The following CELA2A variants were observed in gnomAD, a reference collection of about 807,000 sequenced individuals.
The protein encoded by CELA2A is chymotrypsin-like elastase family member 2A.
Under a neutral mutation model 35.3 loss-of-function variants are expected in CELA2A, and 31 were observed. The ratio of observed to expected loss-of-function variants is 0.88; its 90% CI spans 0.66 to 1.19. The LOEUF (loss-of-function observed/expected upper bound fraction) is 1.19. CELA2A is among the 50% of genes most tolerant of loss of function. CELA2A has a pLI of 0.00. For synonymous variants in CELA2A, 150 were observed against 149.8 expected (o/e 1.00, Z -0.01); for missense variants, 330 against 352.9 (o/e 0.94, Z 0.52).
intron 5 of CELA2A, among the ~76,000 whole-genome samples, chr1:15,464,173 G>C (rs1708480277): frequency 6.6e-6 from 1 of 152,202 alleles, no homozygotes; most frequent in African/African-American, 2.4e-5. Flanking sequence ...CTGTCCCTAT[G>C]ATGGAGAGAA....
At chr1:15,468,975 C>T (rs750163182) in intron 7 of CELA2A, among the ~76,000 whole-genome samples, 10 of 152,070 alleles carry the variant, frequency 6.6e-5, no homozygotes, top group South Asian at 4.1e-4. Flanking sequence ...GTCAGGAGTT[C>T]GAGACCAGCC....
chr1:15,467,342 C>G, intron 6 of CELA2A, 44 bp from the exon 7 acceptor site: 2 of 1,591,646 alleles, frequency 1.3e-6, no homozygotes, highest in Non-Finnish European at 1.7e-6. Flanking sequence ...AATGGGCAGC[C>G]CCTTCCTCTC....
chr1:15,458,445 C>T (rs1405711156), intron 2 of CELA2A, among the ~76,000 whole-genome samples: 1 of 152,154 alleles, frequency 6.6e-6, no homozygotes, highest in Non-Finnish European at 1.5e-5. Context: ...TTATTACAAG[C>T]ATAATTGATA....
chr1:15,462,969 A>G lies in CELA2A; in HGVS notation c.356+108A>G, dbSNP rs531834108. The stretch of plus-strand genomic sequence containing the variant: ...ACCACACCCCCTCTGCTTCTTCTAC[A>G]GGGAGGGGGAAGGAGCTCTGGCCTC... On this transcript the variant is annotated intron_variant, in intron 4 of 7. Transcript: ENST00000359621. The G allele has an allele frequency of 1.8e-4, 272 of 1,478,052 alleles. 2 individuals are homozygous for G. The African/African-American group carries it at 3.4e-3, about 19-fold the overall frequency. The allele number at this position is 1,478,052 out of a possible 1,614,324, so 91.6% of individuals were successfully genotyped here.
At chr1:15,470,204 G>A (rs1486283974) in intron 7 of CELA2A, among the ~76,000 whole-genome samples, 1 of 152,192 alleles carries the variant, frequency 6.6e-6, no homozygotes, top group Non-Finnish European at 1.5e-5. Flanking sequence ...GGAGGAGCTA[G>A]TGAAACCTTG....
At position 15,462,847 on chromosome 1, in the gene CELA2A, C is replaced by T; in HGVS notation, c.342C>T (p.Asn114=). Residue 114 remains asparagine, a synonymous_variant, in exon 4 of 8, where the codon AAC becomes AAT. Transcript: ENST00000359621. ...KIVVHKDWNS[N]QISKGNDIAL... ...TGGTGCACAAGGACTGGAACTCCAACCAAATCTCCAAAGGGTTCGTTTCTG... is the reference window on the plus strand; with the variant it reads ...TGGTGCACAAGGACTGGAACTCCAATCAAATCTCCAAAGGGTTCGTTTCTG... 2 of 1,614,116 alleles carry T rather than the reference C, an allele frequency of 1.2e-6. No homozygotes were observed. The highest frequency in any genetic ancestry group is 1.7e-6 in the Non-Finnish European group (2 of 1,180,012).
At chr1:15,461,513 G>A in intron 2 of CELA2A, 48 bp from the exon 3 acceptor site, 1 of 1,595,230 alleles carries the variant, frequency 6.3e-7, no homozygotes. Flanking sequence ...GTGCAGGGAG[G>A]CCCTGCTCTT....
At position 15,469,493 on chromosome 1, in the gene CELA2A, T is replaced by C. The variant is rs535198862; in HGVS notation, c.792+1955T>C. ...AAACTGACACTTATAAAACCAAATA[T>C]GAAACTGCAGCCATGAGCACGTGGT... On this transcript the variant is annotated intron_variant, in intron 7 of 7. Coordinates refer to ENST00000359621, the MANE Select transcript of CELA2A (RefSeq NM_033440.3). 3.7e-4 allele frequency among the ~76,000 whole-genome samples: 57 copies of C among 152,288 alleles called. 1 individual carries two copies. Among genetic ancestry groups the C allele is most frequent in the African/African-American group, 1.3e-3 (56 of 41,576 alleles).
chr1:15,465,931 C>T (rs2901964), intron 5 of CELA2A, 68 bp from the exon 6 acceptor site: 4 of 1,571,004 alleles, frequency 2.5e-6, no homozygotes, highest in Non-Finnish European at 3.5e-6. Context: ...AAACCTAAGA[C>T]GGGTCCATCA....
At chr1:15,462,656 T>C (rs1313994118) in intron 3 of CELA2A, 77 bp from the exon 4 acceptor site, 2 of 1,560,332 alleles carry the variant, frequency 1.3e-6, no homozygotes, top group Non-Finnish European at 1.7e-6. Flanking sequence ...AGCAGCCAGT[T>C]ACTTGGGTCT....
At chr1:15,460,936 G>C (rs1335573385) in intron 2 of CELA2A, among the ~76,000 whole-genome samples, 1 of 152,172 alleles carries the variant, frequency 6.6e-6, no homozygotes, top group Non-Finnish European at 1.5e-5. Flanking sequence ...ATAAAGGAAA[G>C]AGGTTTAACT....
chr1:15,456,987 A>G, intron 1 of CELA2A, 99 bp from the exon 2 acceptor site: 1 of 1,347,262 alleles, frequency 7.4e-7, no homozygotes, highest in Non-Finnish European at 1.0e-6. Context: ...TCCTTCTAGA[A>G]CAAGGGTTTT....
rs537949726 is a variant in CELA2A at position 15,471,415 on chromosome 1, G to T, written c.793-575G>T. Among the ~76,000 whole-genome samples the T allele has an allele frequency of 2.6e-5, 4 of 152,236 alleles. No individual in the cohort carries two copies. In the South Asian group the frequency reaches 8.3e-4, roughly 32 times the overall value. On this transcript the variant is annotated intron_variant, in intron 7 of 7. Transcript: ENST00000359621. ...TGCAAAAAATTAGCCAGGCATGGTG[G>T]TGCATGACTATAATCTCAGCTACCC...
intron 7 of CELA2A, among the ~76,000 whole-genome samples, chr1:15,470,264 C>G (rs1233831314): frequency 1.3e-5 from 2 of 152,072 alleles, no homozygotes; most frequent in Non-Finnish European, 2.9e-5. Context: ...AGTCACATAC[C>G]ACTAGAGCCC....
chr1:15,470,279 G>A (rs1708573905), intron 7 of CELA2A, among the ~76,000 whole-genome samples: 1 of 152,074 alleles, frequency 6.6e-6, no homozygotes, highest in Admixed American at 6.6e-5. Context: ...GAGCCCTGGG[G>A]GTGCCTGAGA....
chr1:15,459,895 T>C lies in CELA2A; in HGVS notation c.130-1666T>C, dbSNP rs567827774. On this transcript the variant is annotated intron_variant, in intron 2 of 7. Transcript: ENST00000359621. ...TATTCAAGGGGCTGAGGCAGGAGGATTGCTTGAGCCCAAGAGTTTGAGACC... is the reference window on the plus strand; with the variant it reads ...TATTCAAGGGGCTGAGGCAGGAGGACTGCTTGAGCCCAAGAGTTTGAGACC... 1.1e-3 allele frequency among the ~76,000 whole-genome samples: 162 copies of C among 151,528 alleles called. 3 individuals are homozygous for C. The highest frequency in any genetic ancestry group is 2.9e-4 in the Non-Finnish European group (20 of 67,908).
chr1:15,471,657 C>T (rs1323279517), intron 7 of CELA2A, among the ~76,000 whole-genome samples: 1 of 152,048 alleles, frequency 6.6e-6, no homozygotes, highest in African/African-American at 2.4e-5. Context: ...TTGCAAACAG[C>T]AGTTTTGATT....
In CELA2A at chr1:15,461,556, C is replaced by T. The variant is rs145191564; in HGVS notation, c.130-5C>T. 4.9e-3 allele frequency: 7,962 copies of T among 1,612,058 alleles called. 47 individuals are homozygous for T. The highest frequency in any genetic ancestry group is 0.017 in the South Asian group (1,569 of 90,996). On this transcript the variant is annotated splice_region_variant and splice_polypyrimidine_tract_variant and intron_variant, in intron 2 of 7. Coordinates refer to ENST00000359621, the MANE Select transcript of CELA2A (RefSeq NM_033440.3). ...TAGCCACAGAGCTCCTTTGCTTCTC[C>T]CCAGGTCTCCCTGCAGTACAGCTCC...
Position 15,466,042 on chromosome 1 carries a change from G to C in CELA2A, c.537G>C (p.Leu179=). Residue 179 remains leucine, a synonymous_variant, in exon 6 of 8, where the codon CTG becomes CTC. Transcript: ENST00000359621. The part of the protein sequence containing the change: ...VPDVLQQGRL[L]VVDYATCSSS... ...ATGTCCTGCAGCAGGGCCGGTTGCT[G>C]GTTGTGGACTATGCCACCTGCTCCA... 1 of 1,614,166 alleles carries C rather than the reference G, an allele frequency of 6.2e-7. No individual in the cohort carries two copies. The highest frequency in any genetic ancestry group is 1.3e-5 in the African/African-American group (1 of 75,050).
Sources: allele counts gnomAD v4.1 joint callset (sites outside exome capture counted in the v4.1 genomes callset), GRCh38; gene constraint gnomAD v4.1.1; transcripts MANE v1.5; gene names NCBI Gene and HGNC (gene_info 2026-07-23, HGNC 2026-07-21).